Variants in ANKS1A observed in about 807,000 individuals in gnomAD.
ANKS1A encodes the protein ankyrin repeat and sterile alpha motif domain containing 1A.
A neutral mutation model predicts 120.3 loss-of-function variants in ANKS1A; 55 were observed. That is an observed-to-expected ratio of 0.46 (90% confidence interval 0.37 to 0.57). The LOEUF (loss-of-function observed/expected upper bound fraction) is 0.57. ANKS1A is among the 20% of genes least tolerant of loss of function. The pLI is 0.00. For missense variants in ANKS1A, 1,123 were observed against 1,480.3 expected, an observed-to-expected ratio of 0.76 and a Z score of 3.96; for synonymous variants, 590 against 604.7, an observed-to-expected ratio of 0.98 and a Z score of 0.36.
At chr6:34,991,683 CATATATACACATATATAT>C (rs1772549828) in intron 9 of ANKS1A, among the ~76,000 whole-genome samples, 2 of 28,580 alleles carry the variant, frequency 7.0e-5, no homozygotes, top group Non-Finnish European at 9.4e-5. Flanking sequence ...CATATATATA[CATATATACACATATATAT>C]ACATATATAC....
Position 35,028,843 on chromosome 6 carries a change from C to G in ANKS1A, c.2010+10784C>G, listed in dbSNP as rs148881207. Among the ~76,000 whole-genome samples, 241 of 152,258 alleles carry G rather than the reference C, an allele frequency of 1.6e-3. 1 individual carries two copies. The highest frequency in any genetic ancestry group is 5.5e-3 in the African/African-American group (227 of 41,550). Reference sequence around the variant, plus strand: ...TTTTTGTTTCTTGTAGGTGGACATTCTACATGTTACCAAGCTTTTACTGAT... The same window carrying G: ...TTTTTGTTTCTTGTAGGTGGACATTGTACATGTTACCAAGCTTTTACTGAT... On this transcript the variant is annotated intron_variant, in intron 11 of 23. Transcript: ENST00000360359.
intron 1 of ANKS1A, among the ~76,000 whole-genome samples, chr6:34,964,084 C>T (rs887085376): frequency 1.3e-5 from 2 of 152,120 alleles, no homozygotes; most frequent in African/African-American, 4.8e-5. Flanking sequence ...TTTTACTGTG[C>T]TGGCGGTTTC....
At chr6:34,918,225 G>A (rs1405411755) in intron 1 of ANKS1A, among the ~76,000 whole-genome samples, 2 of 152,222 alleles carry the variant, frequency 1.3e-5, no homozygotes, top group Non-Finnish European at 2.9e-5. Context: ...TTGAAGGTAG[G>A]TGTGATGTGG....
chr6:35,088,973 G>T lies in ANKS1A; in HGVS notation c.*364G>T. 1 of 1,220,302 alleles carries T rather than the reference G, an allele frequency of 8.2e-7. No individual in the cohort carries two copies. Among genetic ancestry groups the T allele is most frequent in the Non-Finnish European group, 1.0e-6 (1 of 966,558 alleles). The allele number at this position is 1,220,302 out of a possible 1,614,324, so 75.6% of individuals were successfully genotyped here. Reference sequence around the variant, plus strand: ...GCCAATCTTTAGACAAATGGCCATGGGGCAGAGGACAGGGGAGCTGAGGTT... The same window carrying T: ...GCCAATCTTTAGACAAATGGCCATGTGGCAGAGGACAGGGGAGCTGAGGTT... On this transcript the variant is annotated 3_prime_UTR_variant, in exon 24 of 24. Transcript: ENST00000360359.
intron 13 of ANKS1A, among the ~76,000 whole-genome samples, chr6:35,061,325 T>C (rs751216298): frequency 6.6e-6 from 1 of 152,228 alleles, no homozygotes; most frequent in Non-Finnish European, 1.5e-5. Flanking sequence ...CTATGTGCTT[T>C]ATGTCACCTT....
chr6:34,948,942 T>C (rs1048347001), intron 1 of ANKS1A, among the ~76,000 whole-genome samples: 2 of 152,124 alleles, frequency 1.3e-5, no homozygotes, highest in Non-Finnish European at 2.9e-5. Context: ...ATAAGAACAT[T>C]TCACTGGGAG....
chr6:34,896,790 C>T (rs1035120770), intron 1 of ANKS1A, among the ~76,000 whole-genome samples: 1 of 151,990 alleles, frequency 6.6e-6, no homozygotes, highest in Non-Finnish European at 1.5e-5. Context: ...TATGGTAAAA[C>T]CCCATCTCTA....
At chr6:35,048,965 G>A (rs1247980039) in intron 11 of ANKS1A, among the ~76,000 whole-genome samples, 1 of 152,222 alleles carries the variant, frequency 6.6e-6, no homozygotes, top group East Asian at 1.9e-4. Context: ...AAGCAGGTTC[G>A]GCTGCCAGTG....
At chr6:34,955,349 C>A (rs1476883143) in intron 1 of ANKS1A, among the ~76,000 whole-genome samples, 1 of 152,106 alleles carries the variant, frequency 6.6e-6, no homozygotes, top group African/African-American at 2.4e-5. Context: ...GTTGGCCAGG[C>A]TGGTCTCGAA....
chr6:34,954,034 T>C (rs1266509197), intron 1 of ANKS1A, among the ~76,000 whole-genome samples: 3 of 152,190 alleles, frequency 2.0e-5, no homozygotes, highest in African/African-American at 7.2e-5. Flanking sequence ...ACTGGAGATA[T>C]AAGGCTTGTT....
chr6:35,079,737 C>G (rs990744296), intron 15 of ANKS1A, 69 bp downstream of exon 15: 16 of 1,611,988 alleles, frequency 9.9e-6, no homozygotes, highest in Non-Finnish European at 1.4e-5. Context: ...GGCAGCCTGG[C>G]CCAGCGGAAG....
At chr6:34,890,264 G>A (rs574125094) in intron 1 of ANKS1A, among the ~76,000 whole-genome samples, 1 of 152,134 alleles carries the variant, frequency 6.6e-6, no homozygotes, top group South Asian at 2.1e-4. Flanking sequence ...GCTAATTTTT[G>A]TATTTTTAGT....
At chr6:34,925,488 A>T (rs748982091) in intron 1 of ANKS1A, among the ~76,000 whole-genome samples, 16 of 152,212 alleles carry the variant, frequency 1.1e-4, no homozygotes, top group Admixed American at 4.6e-4. Flanking sequence ...GACCCGGGGT[A>T]AGTGAGTAGC....
chr6:34,928,091 T>A (rs1247250048), intron 1 of ANKS1A, among the ~76,000 whole-genome samples: 1 of 152,216 alleles, frequency 6.6e-6, no homozygotes, highest in Non-Finnish European at 1.5e-5. Flanking sequence ...CTGATCCTCT[T>A]GAGCCAAAGG....
intron 1 of ANKS1A, among the ~76,000 whole-genome samples, chr6:34,951,668 C>T (rs1770098515): frequency 6.6e-6 from 1 of 152,080 alleles, no homozygotes; most frequent in Admixed American, 6.6e-5. Flanking sequence ...ATTGAAAATT[C>T]TTGTCATTTT....
chr6:34,934,913 C>T (rs936549577), intron 1 of ANKS1A, among the ~76,000 whole-genome samples: 2 of 152,148 alleles, frequency 1.3e-5, no homozygotes, highest in Non-Finnish European at 2.9e-5. Flanking sequence ...TTATTTCAAA[C>T]ATTGGATTCT....
chr6:35,030,109 T>A (rs1375241663), intron 11 of ANKS1A, among the ~76,000 whole-genome samples: 1 of 152,224 alleles, frequency 6.6e-6, no homozygotes, highest in African/African-American at 2.4e-5. Flanking sequence ...TGGAACTACA[T>A]CTTCTAAGGA....
chr6:34,993,508 A>T (rs1772684289), intron 9 of ANKS1A, among the ~76,000 whole-genome samples: 1 of 152,212 alleles, frequency 6.6e-6, no homozygotes, highest in Non-Finnish European at 1.5e-5. Flanking sequence ...TGAAATTCAA[A>T]CTTTCTAGCC....
chr6:34,968,037 C>T (rs1770985990), intron 2 of ANKS1A, among the ~76,000 whole-genome samples: 1 of 152,104 alleles, frequency 6.6e-6, no homozygotes, highest in South Asian at 2.1e-4. Context: ...AAGCTGTCTT[C>T]TGTTTCAATA....
Sources: allele counts gnomAD v4.1 joint callset (sites outside exome capture counted in the v4.1 genomes callset), GRCh38; gene constraint gnomAD v4.1.1; transcripts MANE v1.5; gene names NCBI Gene and HGNC (gene_info 2026-07-23, HGNC 2026-07-21).